NECTIN3: variants seen among roughly 807,000 people sequenced by gnomAD.
NECTIN3 encodes nectin-3.
In NECTIN3, 8 loss-of-function variants were observed where a neutral mutation model predicts 49.4. That is an observed-to-expected ratio of 0.16 (90% CI 0.10 to 0.29). The LOEUF (loss-of-function observed/expected upper bound fraction) is 0.29, where lower values mean the gene tolerates loss of function less well. NECTIN3 is among the 10% of genes least tolerant of loss of function. The pLI is 1.00. For missense variants in NECTIN3, 581 were observed against 654.6 expected, an observed-to-expected ratio of 0.89 and a Z score of 1.23; for synonymous variants, 277 against 241.1, an observed-to-expected ratio of 1.15 and a Z score of -1.38.
At chr3:111,091,191 G>T (rs1220535562) in intron 1 of NECTIN3, among the ~76,000 whole-genome samples, 2 of 152,008 alleles carry the variant, frequency 1.3e-5, no homozygotes, top group South Asian at 4.1e-4. Context: ...CTTTAAACAT[G>T]TACTATTCTA....
chr3:111,155,393 CAG>C (rs1267277898), intron 7 of NECTIN3, among the ~76,000 whole-genome samples: 1 of 152,046 alleles, frequency 6.6e-6, no homozygotes, highest in Non-Finnish European at 1.5e-5. Flanking sequence ...CATGAGTAAA[CAG>C]AAATAAGGAA....
At position 111,118,809 on chromosome 3, in the gene NECTIN3, C is replaced by G; in HGVS notation, c.656C>G (p.Ser219Cys). Residue 219 changes from serine to cysteine, a missense_variant, in exon 3 of 6, where the codon TCT becomes TGT. Coordinates refer to ENST00000485303, the MANE Select transcript of NECTIN3 (RefSeq NM_015480.3). ...DLGEMESTTT[S>C]FPNETATIIS... is the part of the protein sequence containing the mutation. ...GGTGAAATGGAATCCACTACAACTT[C>G]TTTTCCAAATGAAACGGCAACGATT... is the stretch of plus-strand genomic sequence containing the variant. 4 of 1,614,076 alleles carry G rather than the reference C, an allele frequency of 2.5e-6. No homozygotes were observed. The highest frequency in any genetic ancestry group is 3.4e-6 in the Non-Finnish European group (4 of 1,180,022).
In NECTIN3 at chr3:111,134,365, T is replaced by C; in HGVS notation, c.*150T>C. ...TATATTCTAATCTGACAAATGAAAA[T>C]GTAAAATCTGAGTTCAGTGTATCTA... On this transcript the variant is annotated 3_prime_UTR_variant, in exon 6 of 6. Coordinates refer to ENST00000485303, the MANE Select transcript of NECTIN3 (RefSeq NM_015480.3). The C allele has an allele frequency of 7.1e-7, 1 of 1,400,312 alleles. No homozygotes were observed. Among genetic ancestry groups the C allele is most frequent in the Non-Finnish European group, 9.2e-7 (1 of 1,081,564 alleles). The allele number at this position is 1,400,312 out of a possible 1,614,324, so 86.7% of individuals were successfully genotyped here.
chr3:111,099,654 C>T (rs572625594), intron 1 of NECTIN3, among the ~76,000 whole-genome samples: 7 of 152,222 alleles, frequency 4.6e-5, no homozygotes, highest in Middle Eastern at 3.4e-3. Flanking sequence ...AGAGTATCTA[C>T]GTGTCTCAAA....
intron 1 of NECTIN3, among the ~76,000 whole-genome samples, chr3:111,110,900 T>C (rs1271297480): frequency 6.6e-6 from 1 of 152,110 alleles, no homozygotes; most frequent in African/African-American, 2.4e-5. Context: ...GAAATAATAT[T>C]GCATAAAGTT....
chr3:111,112,996 G>A (rs1233711305), intron 2 of NECTIN3, among the ~76,000 whole-genome samples: 1 of 152,186 alleles, frequency 6.6e-6, no homozygotes, highest in Non-Finnish European at 1.5e-5. Flanking sequence ...TGATAGAAAT[G>A]AAGATTGAGG....
At chr3:111,179,549 A>G (rs762006579) in intron 7 of NECTIN3, among the ~76,000 whole-genome samples, 15 of 152,158 alleles carry the variant, frequency 9.9e-5, no homozygotes, top group Non-Finnish European at 1.6e-4. Context: ...GACAGAAGAC[A>G]TTGGGACAGA....
Position 111,134,020 on chromosome 3 carries a change from C to A in NECTIN3, c.1455C>A (p.Asp485Glu). The stretch of plus-strand genomic sequence containing the variant: ...CAGTGAACAATCTAATACGTAAAGA[C>A]TATTTAGAAGAGCCTGAAAAAACTC... ...KNPVNNLIRKDYLEEPEKTQW... is the reference protein window; with the variant it reads ...KNPVNNLIRKEYLEEPEKTQW... Residue 485 changes from aspartate to glutamate, a missense_variant, in exon 6 of 6, where the codon GAC becomes GAA. Physicochemically the swap from Asp to Glu is conservative, Grantham distance 45 (BLOSUM62 2). Transcript: ENST00000485303. 1 of 1,612,760 alleles carries A rather than the reference C, an allele frequency of 6.2e-7. No homozygotes were observed. The highest frequency in any genetic ancestry group is 8.5e-7 in the Non-Finnish European group (1 of 1,179,468).
At chr3:111,173,596 C>T (rs1048683775) in intron 7 of NECTIN3, among the ~76,000 whole-genome samples, 13 of 152,176 alleles carry the variant, frequency 8.5e-5, no homozygotes, top group African/African-American at 2.9e-4. Context: ...TTCAGTTGAG[C>T]TGGTATTCCT....
At chr3:111,132,137 C>G (rs1576146555) in intron 5 of NECTIN3, among the ~76,000 whole-genome samples, 1 of 151,754 alleles carries the variant, frequency 6.6e-6, no homozygotes, top group Non-Finnish European at 1.5e-5. Flanking sequence ...CACTTGTTTT[C>G]TTGGGGTTGA....
downstream of NECTIN3, among the ~76,000 whole-genome samples, chr3:111,139,423 G>T (rs1480206130): frequency 2.0e-5 from 3 of 151,726 alleles, no homozygotes; most frequent in East Asian, 1.9e-4. Context: ...TCTGCCATTT[G>T]CATCCCACAC....
intron 5 of NECTIN3, among the ~76,000 whole-genome samples, chr3:111,143,348 G>A (rs371235631): frequency 5.3e-5 from 8 of 151,792 alleles, no homozygotes; most frequent in African/African-American, 1.9e-4. Flanking sequence ...CATTGGAAAC[G>A]TTATTGAAAT....
chr3:111,138,871 A>G (rs1246563034), downstream of NECTIN3, among the ~76,000 whole-genome samples: 2 of 151,680 alleles, frequency 1.3e-5, no homozygotes, highest in Non-Finnish European at 3.0e-5. Context: ...AGTCTCAATT[A>G]AGAGAAATAT....
chr3:111,095,845 T>G (rs1207981764), intron 1 of NECTIN3, among the ~76,000 whole-genome samples: 1 of 152,230 alleles, frequency 6.6e-6, no homozygotes, highest in Non-Finnish European at 1.5e-5. Context: ...CCCAGTCAGC[T>G]GGAACTGTGA....
At chr3:111,072,992 GC>G (rs2030903787) in intron 1 of NECTIN3, 2 of 150,572 alleles carry the variant, frequency 1.3e-5, no homozygotes, top group Non-Finnish European at 2.9e-5. Flanking sequence ...TCCCAGGTAT[GC>G]CAGACTAGAA....
intron 1 of NECTIN3, among the ~76,000 whole-genome samples, chr3:111,081,105 G>A (rs764382864): frequency 2.8e-4 from 43 of 152,170 alleles, no homozygotes; most frequent in South Asian, 6.2e-4. Flanking sequence ...GTGAGACCTC[G>A]TCTCTGCCAA....
intron 1 of NECTIN3, 147 bp from the exon 2 acceptor site, chr3:111,111,873 GTGTGAGTGCA>G (rs2033473362): frequency 1.8e-6 from 1 of 565,686 alleles, no homozygotes; most frequent in Non-Finnish European, 3.1e-6. Context: ...TGTGTGGTGC[GTGTGAGTGCA>G]TGTGTGTGTG....
rs2030774367 is a variant in NECTIN3 at position 111,072,034 on chromosome 3, G to C, written c.17G>C (p.Arg6Pro). 8 of 1,534,508 alleles carry C rather than the reference G, an allele frequency of 5.2e-6. No individual in the cohort carries two copies. The highest frequency in any genetic ancestry group is 6.1e-6 in the Non-Finnish European group (7 of 1,140,206). ...GGGTGGGGGATGGCGCGGACCCTGC[G>C]GCCGTCCCCGCTGTGTCCTGGAGGC... Reference protein sequence around the residue: MARTLRPSPLCPGGGK... With the variant: MARTLPPSPLCPGGGK... Residue 6 changes from arginine (R) to proline (P), a missense_variant, in exon 1 of 6, where the codon CGG (arginine) becomes CCG (proline). Transcript: ENST00000485303.
chr3:111,109,075 C>T (rs2033343896), intron 1 of NECTIN3, among the ~76,000 whole-genome samples: 1 of 152,138 alleles, frequency 6.6e-6, no homozygotes, highest in East Asian at 1.9e-4. Flanking sequence ...GGATCTTCTT[C>T]CTGGATTGTA....
Sources: allele counts gnomAD v4.1 joint callset (sites outside exome capture counted in the v4.1 genomes callset), GRCh38; gene constraint gnomAD v4.1.1; transcripts MANE v1.5; gene names NCBI Gene and HGNC (gene_info 2026-07-23, HGNC 2026-07-21).